Variants in RIMS2 observed in about 807,000 individuals in gnomAD.
The protein encoded by RIMS2 is regulating synaptic membrane exocytosis 2, also known as regulating synaptic membrane exocytosis protein 2.
RIMS2 carries 59 observed loss-of-function variants against 174.4 expected under a neutral mutation model. The ratio of observed to expected loss-of-function variants is 0.34; its 90% CI spans 0.27 to 0.42. The LOEUF is 0.42. Among genes scored for constraint, RIMS2 ranks in the 10% least tolerant of loss-of-function variants. RIMS2 has a pLI of 1.00. For missense variants in RIMS2, 1,620 were observed against 1,666.3 expected (o/e 0.97, Z 0.48); for synonymous variants, 606 against 572.5 (o/e 1.06, Z -0.84).
At chr8:103,652,772 A>T (rs1273410151) in intron 1 of RIMS2, 62 bp downstream of exon 3, 1 of 1,007,060 alleles carries the variant, frequency 9.9e-7, no homozygotes, top group African/African-American at 1.7e-5. Context: ...ACTGAAAAGT[A>T]TGTGTTAAAA....
chr8:103,606,669 A>C (rs1023864190), intron 1 of RIMS2, among the ~76,000 whole-genome samples: 2 of 152,176 alleles, frequency 1.3e-5, no homozygotes, highest in East Asian at 3.8e-4. Flanking sequence ...GACTTGCTCT[A>C]TGAATCTGGG....
chr8:103,761,061 C>T (rs1027386617), intron 2 of RIMS2, among the ~76,000 whole-genome samples: 7 of 152,240 alleles, frequency 4.6e-5, no homozygotes, highest in South Asian at 2.1e-4. Flanking sequence ...TGTGTTCATA[C>T]GTGCTAACAA....
chr8:103,634,495 G>A (rs753429583), intron 1 of RIMS2, among the ~76,000 whole-genome samples: 2 of 152,174 alleles, frequency 1.3e-5, no homozygotes, highest in African/African-American at 2.4e-5. Context: ...TGTATATTCT[G>A]TTGTTTTTGA....
intron 2 of RIMS2, among the ~76,000 whole-genome samples, chr8:103,750,720 G>A (rs2097877933): frequency 6.6e-6 from 1 of 152,052 alleles, no homozygotes; most frequent in Non-Finnish European, 1.5e-5. Flanking sequence ...TGAGTGACAG[G>A]CATTTCCCCT....
chr8:104,199,991 G>T (rs1185962125), intron 19 of RIMS2, among the ~76,000 whole-genome samples: 1 of 152,168 alleles, frequency 6.6e-6, no homozygotes, highest in Non-Finnish European at 1.5e-5. Flanking sequence ...GCAGTATTAT[G>T]AGTCAGACTA....
chr8:103,661,324 G>A (rs2096597687), intron 1 of RIMS2, among the ~76,000 whole-genome samples: 1 of 152,096 alleles, frequency 6.6e-6, no homozygotes, highest in South Asian at 2.1e-4. Context: ...ATTATGAATA[G>A]TGCTGCTGTA....
At chr8:103,803,785 A>G (rs1463635492) in intron 3 of RIMS2, among the ~76,000 whole-genome samples, 1 of 152,194 alleles carries the variant, frequency 6.6e-6, no homozygotes, top group Non-Finnish European at 1.5e-5. Context: ...TGTGTCAGGG[A>G]TCTGTGTGGG....
intron 19 of RIMS2, among the ~76,000 whole-genome samples, chr8:104,054,422 T>C (rs1181713687): frequency 6.6e-6 from 1 of 152,156 alleles, no homozygotes; most frequent in Non-Finnish European, 1.5e-5. Context: ...TATATCTAAA[T>C]ATTTCCTTTT....
At chr8:103,544,797 C>T (rs375102217) in intron 1 of RIMS2, among the ~76,000 whole-genome samples, 14 of 152,228 alleles carry the variant, frequency 9.2e-5, no homozygotes, top group South Asian at 4.1e-4. Flanking sequence ...ACAAGACCCA[C>T]GAACAGACTA....
chr8:103,833,450 G>T (rs1002237762), intron 3 of RIMS2, among the ~76,000 whole-genome samples: 7 of 151,666 alleles, frequency 4.6e-5, no homozygotes, highest in Admixed American at 6.6e-5. Context: ...AATAAGTTCG[G>T]CCATTGTTGT....
intron 4 of RIMS2, among the ~76,000 whole-genome samples, chr8:103,901,257 T>C (rs540931721): frequency 1.3e-5 from 2 of 152,248 alleles, no homozygotes; most frequent in East Asian, 3.9e-4. Flanking sequence ...TTCTTATTTC[T>C]TTAGCAAATG....
At chr8:104,189,206 G>T (rs928109780) in intron 19 of RIMS2, among the ~76,000 whole-genome samples, 3 of 151,950 alleles carry the variant, frequency 2.0e-5, no homozygotes, top group African/African-American at 4.8e-5. Context: ...AGAAAAAGAA[G>T]CCCCCAATAA....
At chr8:103,861,587 A>G (rs1355669332) in intron 3 of RIMS2, among the ~76,000 whole-genome samples, 1 of 152,116 alleles carries the variant, frequency 6.6e-6, no homozygotes, top group African/African-American at 2.4e-5. Context: ...CCAATTTACA[A>G]TCTCACCAAC....
intron 15 of RIMS2, among the ~76,000 whole-genome samples, chr8:103,963,029 T>C (rs529966805): frequency 6.6e-6 from 1 of 152,288 alleles, no homozygotes; most frequent in East Asian, 1.9e-4. Flanking sequence ...ATAAGACTTA[T>C]GATCACCAAG....
At chr8:104,017,753 C>A (rs1445591897) in intron 19 of RIMS2, among the ~76,000 whole-genome samples, 1 of 152,116 alleles carries the variant, frequency 6.6e-6, no homozygotes, top group South Asian at 2.1e-4. Context: ...TTTTCTATAG[C>A]ATGTCAGAAA....
At chr8:103,608,350 C>G (rs2095225245) in intron 1 of RIMS2, among the ~76,000 whole-genome samples, 1 of 143,716 alleles carries the variant, frequency 7.0e-6, no homozygotes, top group African/African-American at 2.7e-5. Context: ...TCTGCCCGTT[C>G]TCAGATCTCC....
chr8:103,622,697 A>G (rs17234011), intron 1 of RIMS2, among the ~76,000 whole-genome samples: 9,937 of 152,262 alleles, frequency 0.065, 399 homozygotes, highest in South Asian at 0.088. Flanking sequence ...GATTCAGTAT[A>G]TCTGCCTTAT....
chr8:103,920,930 C>T (rs571697808), intron 9 of RIMS2: 6 of 310,502 alleles, frequency 1.9e-5, no homozygotes, highest in Admixed American at 4.5e-5. Context: ...ACCCGGGAGG[C>T]GGAGCTTGCA....
At chr8:103,653,933 T>G (rs1460265938) in intron 1 of RIMS2, among the ~76,000 whole-genome samples, 3 of 152,086 alleles carry the variant, frequency 2.0e-5, no homozygotes, top group Admixed American at 6.5e-5. Context: ...CAATAAATAT[T>G]TCTTCACAAT....
Sources: gnomAD v4.1 joint callset for allele counts (sites outside exome capture counted in the v4.1 genomes callset) on GRCh38, gnomAD v4.1.1 for gene constraint, MANE v1.5 for transcripts, NCBI Gene and HGNC (gene_info 2026-07-23, HGNC 2026-07-21) for gene names.